The following HCFC2 variants were observed in gnomAD, a reference collection of about 807,000 sequenced individuals.
HCFC2 encodes host cell factor C2.
HCFC2 carries 18 observed loss-of-function variants against 89.2 expected under a neutral mutation model. The ratio of observed to expected loss-of-function variants is 0.20; its 90% confidence interval spans 0.14 to 0.30. The LOEUF (loss-of-function observed/expected upper bound fraction) is 0.30, where lower values mean the gene tolerates loss of function less well. HCFC2 is among the 10% of genes least tolerant of loss of function. The pLI, the probability that HCFC2 is intolerant of heterozygous loss-of-function variation, is 1.00. For synonymous variants in HCFC2, 308 were observed against 335.7 expected, an observed-to-expected ratio of 0.92 and a Z score of 0.90; for missense variants, 578 against 956.1, an observed-to-expected ratio of 0.60 and a Z score of 5.21.
Position 104,068,031 on chromosome 12 carries a change from T to C in HCFC2, c.397T>C (p.Ser133Pro), listed in dbSNP as rs1443735795. The C allele has an allele frequency of 6.2e-7, 1 of 1,607,540 alleles. No individual in the cohort carries two copies. Among genetic ancestry groups the C allele is most frequent in the Non-Finnish European group, 8.5e-7 (1 of 1,177,590 alleles). Residue 133 changes from serine (S) to proline (P), a missense_variant, in exon 3 of 15, where the codon TCT becomes CCT. Around this residue, in one of 4 missense-constraint regions of HCFC2, gnomAD observed 206 missense variants for 419.2 expected, o/e 0.49. Coordinates refer to ENST00000229330, the MANE Select transcript of HCFC2 (RefSeq NM_013320.3). This position sits in a 1 kb window ranked among gnomAD's most constrained non-coding sequence, Gnocchi z 4.1. ...TTGTCCTCGGCTTGGACATAGCTTC[T>C]CTTTATATGGTAACAAATGCTATTT... ...PPCPRLGHSF[S>P]LYGNKCYLFG... is the part of the protein sequence containing the mutation.
At chr12:104,096,767 A>G (rs1565815379) in intron 12 of HCFC2, among the ~76,000 whole-genome samples, 1 of 152,024 alleles carries the variant, frequency 6.6e-6, no homozygotes, top group Non-Finnish European at 1.5e-5. Context: ...TGCTTTTTAT[A>G]TTTTTCTATA....
chr12:104,095,212 C>T lies in HCFC2; in HGVS notation c.1463-148C>T. 1.6e-6 allele frequency: 1 copy of T among 620,194 alleles called. No homozygotes were observed. The highest frequency in any genetic ancestry group is 2.8e-6 in the Non-Finnish European group (1 of 358,402). 38.4% of individuals were successfully genotyped at this position (620,194 alleles called of 1,614,324 possible). On this transcript the variant is annotated intron_variant, in intron 10 of 14. Coordinates refer to ENST00000229330, the MANE Select transcript of HCFC2 (RefSeq NM_013320.3). This position sits in a 1 kb window ranked among gnomAD's most constrained non-coding sequence, Gnocchi z 4.2. ...CTTTATTTTTCTAAACATTTTATGCCTAATGGATAATTCATACTAATACCA... is the reference window on the plus strand; with the variant it reads ...CTTTATTTTTCTAAACATTTTATGCTTAATGGATAATTCATACTAATACCA...
intron 3 of HCFC2, among the ~76,000 whole-genome samples, chr12:104,076,799 C>G (rs1252115368): frequency 6.6e-6 from 1 of 152,170 alleles, no homozygotes; most frequent in East Asian, 1.9e-4. Context: ...CATTCCTGCC[C>G]CCACCACCAA....
At chr12:104,096,247 CTT>C in intron 11 of HCFC2, 111 bp from the exon 12 acceptor site, 1 of 617,928 alleles carries the variant, frequency 1.6e-6, no homozygotes, top group Non-Finnish European at 2.7e-6. Context: ...AATTTGCTGT[CTT>C]AGCCATTTTT....
In HCFC2 at chr12:104,103,368, T is replaced by C. The variant is rs2136632056; in HGVS notation, c.*95T>C. On this transcript the variant is annotated 3_prime_UTR_variant, in exon 15 of 15. Coordinates refer to ENST00000229330, the MANE Select transcript of HCFC2 (RefSeq NM_013320.3). ...TTAAAAGAGTATTCTCTGGCTGTAT[T>C]TCCAGCAGTTATGAACTTGAGTTTG... is the stretch of plus-strand genomic sequence containing the variant. The C allele has an allele frequency of 9.8e-7, 1 of 1,024,368 alleles. No homozygotes were observed. The highest frequency in any genetic ancestry group is 1.4e-6 in the Non-Finnish European group (1 of 706,528). The allele number at this position is 1,024,368 out of a possible 1,614,324, so 63.5% of individuals were successfully genotyped here.
intron 3 of HCFC2, among the ~76,000 whole-genome samples, chr12:104,073,856 CCTG>C (rs977256316): frequency 3.3e-5 from 5 of 152,184 alleles, no homozygotes; most frequent in Non-Finnish European, 5.9e-5. Flanking sequence ...CCAAATGTGG[CCTG>C]CTGTCTTTTT....
intron 13 of HCFC2, among the ~76,000 whole-genome samples, chr12:104,101,740 T>G (rs1324061459): frequency 1.3e-5 from 2 of 152,172 alleles, no homozygotes; most frequent in Non-Finnish European, 2.9e-5. Flanking sequence ...GATTCTCAAC[T>G]GGAAAGAGTG....
chr12:104,066,071 A>C lies in HCFC2; in HGVS notation c.164-96A>C, dbSNP rs534403677. 13 of 1,215,670 alleles carry C rather than the reference A, an allele frequency of 1.1e-5. No individual in the cohort carries two copies. The African/African-American group carries it at 1.7e-4, about 16-fold the overall frequency. The allele number at this position is 1,215,670 out of a possible 1,614,324, so 75.3% of individuals were successfully genotyped here. On this transcript the variant is annotated intron_variant, in intron 1 of 14. Transcript: ENST00000229330. Reference sequence around the variant, plus strand: ...TCTTCTGGGGGGCAGAATCATCCCCAGTTGAGACCCACTGATATTGATGAT... The same window carrying C: ...TCTTCTGGGGGGCAGAATCATCCCCCGTTGAGACCCACTGATATTGATGAT...
In HCFC2 at chr12:104,068,728, G is replaced by T. The variant is rs1883225963; in HGVS notation, c.473+621G>T. Among the ~76,000 whole-genome samples the T allele has an allele frequency of 1.3e-5, 2 of 152,044 alleles. No homozygotes were observed. Among genetic ancestry groups the T allele is most frequent in the Admixed American group, 6.5e-5 (1 of 15,272 alleles). On this transcript the variant is annotated intron_variant, in intron 3 of 14. Coordinates refer to ENST00000229330, the MANE Select transcript of HCFC2 (RefSeq NM_013320.3). The surrounding 1 kb of genome is among the most constrained non-coding windows in gnomAD (Gnocchi z 4.1). ...GCTCATAGGCAGGTTTGGTCCACAG[G>T]GTGTAGTTTGCTGGCACAGATTGTA...
At chr12:104,091,632 T>C (rs908548849) in intron 9 of HCFC2, among the ~76,000 whole-genome samples, 1 of 152,232 alleles carries the variant, frequency 6.6e-6, no homozygotes, top group Non-Finnish European at 1.5e-5. Context: ...ATACTTATTT[T>C]ATAAAATTCC....
chr12:104,082,814 C>A lies in HCFC2; in HGVS notation c.976C>A (p.Arg326=). ...CCACTGTGCTGTTGCAATCGGCACT[C>A]GATTGTATTTTTGGAGTGGAAGAGA... ...AGHCAVAIGT[R]LYFWSGRDGY... is the part of the protein sequence containing the mutation. The change falls in exon 7 of 15, where the codon CGA becomes AGA. Residue 326 remains arginine (R), a synonymous_variant. Coordinates refer to ENST00000229330, the MANE Select transcript of HCFC2 (RefSeq NM_013320.3). 6.2e-7 allele frequency: 1 copy of A among 1,613,596 alleles called. No individual in the cohort carries two copies. The highest frequency in any genetic ancestry group is 8.5e-7 in the Non-Finnish European group (1 of 1,179,832).
At chr12:104,096,522 A>G (rs950973927) in intron 12 of HCFC2, 89 bp downstream of exon 12, 1 of 852,758 alleles carries the variant, frequency 1.2e-6, no homozygotes, top group East Asian at 2.5e-5. Flanking sequence ...TCATAAAAAG[A>G]TTCTCAGGTC....
intron 4 of HCFC2, among the ~76,000 whole-genome samples, chr12:104,079,940 A>C (rs1883630139): frequency 6.6e-6 from 1 of 152,188 alleles, no homozygotes; most frequent in Admixed American, 6.5e-5. Context: ...TGTAATTATC[A>C]ATAGTACAAT....
chr12:104,066,097 A>T, intron 1 of HCFC2, 70 bp from the exon 2 acceptor site: 1 of 1,420,878 alleles, frequency 7.0e-7, no homozygotes. Context: ...TATTGATGAT[A>T]TATATTTGCT....
In HCFC2 at chr12:104,068,652, T is replaced by G. The variant is rs1164799181; in HGVS notation, c.473+545T>G. Among the ~76,000 whole-genome samples, 1 of 152,164 alleles carries G rather than the reference T, an allele frequency of 6.6e-6. No homozygotes were observed. Among genetic ancestry groups the G allele is most frequent in the Non-Finnish European group, 1.5e-5 (1 of 68,022 alleles). On this transcript the variant is annotated intron_variant, in intron 3 of 14. Coordinates refer to ENST00000229330, the MANE Select transcript of HCFC2 (RefSeq NM_013320.3). The surrounding 1 kb of genome is among the most constrained non-coding windows in gnomAD (Gnocchi z 4.1). ...CACTACCTCTTTTCTTTTCACATCA[T>G]GTTTTGTTTGTTTGTTTGTATGTTG...
At chr12:104,090,294 A>G (rs1883987023) in intron 9 of HCFC2, among the ~76,000 whole-genome samples, 1 of 152,144 alleles carries the variant, frequency 6.6e-6, no homozygotes, top group African/African-American at 2.4e-5. Flanking sequence ...CGGTGTTGGT[A>G]TTGAAAAGTG....
chr12:104,069,388 C>A (rs1317764750), intron 3 of HCFC2, among the ~76,000 whole-genome samples: 2 of 151,974 alleles, frequency 1.3e-5, no homozygotes, highest in African/African-American at 2.4e-5. Flanking sequence ...TACATTAGAT[C>A]TCTCAATTTG....
Position 104,095,532 on chromosome 12 carries a change from T to C in HCFC2, c.1635T>C (p.Thr545=), listed in dbSNP as rs1884152311. The stretch of plus-strand genomic sequence containing the variant: ...ATGGGGCAGTTGTTAAAGATGAAAC[T>C]TCACTAACAACATTCAGTACCAAAT... ...STNGAVVKDE[T]SLTTFSTKSE... The change falls in exon 11 of 15, where the codon ACT becomes ACC. Residue 545 remains threonine (T), a synonymous_variant. Transcript: ENST00000229330. This position sits in a 1 kb window ranked among gnomAD's most constrained non-coding sequence, Gnocchi z 4.2. 2 of 1,613,394 alleles carry C rather than the reference T, an allele frequency of 1.2e-6. No homozygotes were observed.
chr12:104,079,742 A>G (rs1312903596), intron 4 of HCFC2, 89 bp downstream of exon 4: 10 of 994,094 alleles, frequency 1.0e-5, no homozygotes, highest in Non-Finnish European at 1.4e-5. Flanking sequence ...ATTGAGTTGT[A>G]CTTAGATTTA....
Sources: gnomAD v4.1 joint callset for allele counts (sites outside exome capture counted in the v4.1 genomes callset) on GRCh38, gnomAD v4.1.1 for gene constraint, gnomAD v4.1.1 regional missense constraint, Gnocchi (gnomAD v3.1) non-coding constraint, MANE v1.5 for transcripts, NCBI Gene and HGNC (gene_info 2026-07-23, HGNC 2026-07-21) for gene names.